Variants in THSD7B observed in about 807,000 individuals in gnomAD.
THSD7B encodes the protein thrombospondin type 1 domain containing 7B, also known as thrombospondin type-1 domain-containing protein 7B.
Under a neutral mutation model 213.6 loss-of-function variants are expected in THSD7B, and 138 were observed. The observed-to-expected ratio is 0.65, with a 90% CI of 0.56 to 0.74. The LOEUF (loss-of-function observed/expected upper bound fraction) is 0.74. THSD7B is among the 30% of genes least tolerant of loss of function. The pLI, the probability that THSD7B is intolerant of heterozygous loss-of-function variation, is 0.00. For synonymous variants in THSD7B, 742 were observed against 687.0 expected (o/e 1.08, Z -1.25); for missense variants, 1,931 against 1,991.5 (o/e 0.97, Z 0.58).
chr2:137,095,665 C>T (rs150963679), intron 4 of THSD7B, among the ~76,000 whole-genome samples: 7 of 151,982 alleles, frequency 4.6e-5, no homozygotes, highest in South Asian at 2.1e-4. Flanking sequence ...AGAGAATATT[C>T]GAGAAAGGAT....
intron 2 of THSD7B, among the ~76,000 whole-genome samples, chr2:136,913,056 C>CT (rs1449235810): frequency 6.6e-6 from 1 of 152,178 alleles, no homozygotes; most frequent in Non-Finnish European, 1.5e-5. Context: ...TGTTGAATGG[C>CT]TTTGTGCCAA....
intron 2 of THSD7B, among the ~76,000 whole-genome samples, chr2:136,940,727 A>AAT (rs1553459489): frequency 0.24 from 11,697 of 47,828 alleles, 659 homozygotes; most frequent in Middle Eastern, 0.35. Context: ...ATATATATAT[A>AAT]ATATATATAT....
intron 2 of THSD7B, among the ~76,000 whole-genome samples, chr2:137,027,028 G>A (rs1686569056): frequency 6.6e-6 from 1 of 152,196 alleles, no homozygotes; most frequent in African/African-American, 2.4e-5. Context: ...GCAGGCAGCA[G>A]TGTTCACAAC....
rs187610627 is a variant in THSD7B, at chr2:137,306,969, T to G, written c.2500+30943T>G. Reference sequence around the variant, plus strand: ...ATGCTCTTTGAGAACAGAAGTACTTTAAATTCTCTTCTGTAATCTGCATTG... The same window carrying G: ...ATGCTCTTTGAGAACAGAAGTACTTGAAATTCTCTTCTGTAATCTGCATTG... On this transcript the variant is annotated intron_variant, in intron 12 of 27. Coordinates refer to ENST00000409968, the MANE Select transcript of THSD7B (RefSeq NM_001316349.2). Among the ~76,000 whole-genome samples the G allele has an allele frequency of 1.3e-5, 2 of 152,322 alleles. 1 individual carries two copies. The highest frequency in any genetic ancestry group is 4.2e-4 in the South Asian group (2 of 4,794).
chr2:136,804,471 T>C (rs2104924931), intron 1 of THSD7B, among the ~76,000 whole-genome samples: 1 of 152,120 alleles, frequency 6.6e-6, no homozygotes, highest in Admixed American at 6.5e-5. Flanking sequence ...ATTTGAGGTT[T>C]ATTCTTAAAG....
chr2:137,514,096 C>T (rs1330955908), intron 15 of THSD7B, among the ~76,000 whole-genome samples: 1 of 152,116 alleles, frequency 6.6e-6, no homozygotes, highest in Non-Finnish European at 1.5e-5. Flanking sequence ...ATTGACCTTG[C>T]ATCCTCTCTT....
chr2:136,882,485 T>C (rs901406598), intron 2 of THSD7B, among the ~76,000 whole-genome samples, 168 bp downstream of exon 2: 1 of 152,220 alleles, frequency 6.6e-6, no homozygotes, highest in African/African-American at 2.4e-5. Context: ...TCCTGCATAA[T>C]TGTCTTCTCC....
intron 27 of THSD7B, among the ~76,000 whole-genome samples, chr2:137,674,889 A>C (rs1409650076): frequency 2.0e-5 from 3 of 152,160 alleles, no homozygotes; most frequent in African/African-American, 2.4e-5. Context: ...TTTTTAATTT[A>C]TTTCTTTAAC....
At chr2:137,124,567 A>G (rs1688600382) in intron 5 of THSD7B, among the ~76,000 whole-genome samples, 1 of 152,144 alleles carries the variant, frequency 6.6e-6, no homozygotes, top group South Asian at 2.1e-4. Flanking sequence ...CACAGGGGAA[A>G]GGGGGGAGGG....
chr2:137,141,312 T>G (rs1338496838), intron 5 of THSD7B, among the ~76,000 whole-genome samples: 1 of 152,034 alleles, frequency 6.6e-6, no homozygotes, highest in Admixed American at 6.6e-5. Context: ...TAAGGATACA[T>G]CTTCTGTAGA....
intron 1 of THSD7B, among the ~76,000 whole-genome samples, chr2:136,881,886 G>T (rs1030787514): frequency 1.5e-4 from 23 of 152,158 alleles, no homozygotes; most frequent in African/African-American, 5.3e-4. Context: ...AGCAATTGGG[G>T]AAATAAGTAG....
At chr2:136,944,564 T>C (rs1684895371) in intron 2 of THSD7B, among the ~76,000 whole-genome samples, 1 of 152,128 alleles carries the variant, frequency 6.6e-6, no homozygotes, top group South Asian at 2.1e-4. Flanking sequence ...ATCTGGGTGC[T>C]CCTGTATTGG....
chr2:137,242,313 A>C, intron 9 of THSD7B, 144 bp from the exon 10 acceptor site: 1 of 591,232 alleles, frequency 1.7e-6, no homozygotes, highest in Non-Finnish European at 2.9e-6. Flanking sequence ...TTGGGCAAGT[A>C]GCTTCACCTC....
chr2:137,001,760 C>T (rs910045126), intron 2 of THSD7B, among the ~76,000 whole-genome samples: 13 of 152,212 alleles, frequency 8.5e-5, no homozygotes, highest in East Asian at 3.9e-4. Flanking sequence ...CCCACTTTTT[C>T]GAAACCACCT....
chr2:137,505,497 G>A (rs564116063), intron 15 of THSD7B, among the ~76,000 whole-genome samples: 7 of 152,256 alleles, frequency 4.6e-5, no homozygotes, highest in East Asian at 1.9e-4. Flanking sequence ...GCCCAGTTCC[G>A]CAGAGCTTTT....
chr2:136,933,752 G>A (rs1224758376), intron 2 of THSD7B, among the ~76,000 whole-genome samples: 1 of 152,030 alleles, frequency 6.6e-6, no homozygotes, highest in Non-Finnish European at 1.5e-5. Flanking sequence ...TATCACAGAT[G>A]TTAAGTCTAC....
intron 5 of THSD7B, among the ~76,000 whole-genome samples, chr2:137,142,359 A>G (rs941683612): frequency 6.6e-6 from 1 of 152,174 alleles, no homozygotes; most frequent in Admixed American, 6.5e-5. Flanking sequence ...TAGTTCATTC[A>G]TGAGGGAGGA....
intron 4 of THSD7B, 119 bp from the exon 5 acceptor site, chr2:137,115,005 G>A (rs1026070131): frequency 2.8e-6 from 3 of 1,065,360 alleles, no homozygotes; most frequent in Non-Finnish European, 4.1e-6. Flanking sequence ...TTATCCACAG[G>A]CAAAGATTTG....
intron 12 of THSD7B, among the ~76,000 whole-genome samples, chr2:137,333,903 A>G (rs534498453): frequency 6.6e-6 from 1 of 152,270 alleles, no homozygotes; most frequent in South Asian, 2.1e-4. Flanking sequence ...AAGCTCTCTC[A>G]CTTGATATGA....
Sources: gnomAD v4.1 joint callset for allele counts (sites outside exome capture counted in the v4.1 genomes callset) on GRCh38, gnomAD v4.1.1 for gene constraint, MANE v1.5 for transcripts, NCBI Gene and HGNC (gene_info 2026-07-23, HGNC 2026-07-21) for gene names.